The following ARMH3 variants were observed in gnomAD, a reference collection of about 807,000 sequenced individuals.
ARMH3 encodes the protein armadillo-like helical domain-containing protein 3.
In ARMH3, 60 loss-of-function variants were observed where a neutral mutation model predicts 99.1. The observed-to-expected ratio is 0.61, with a 90% CI of 0.49 to 0.75. The LOEUF (loss-of-function observed/expected upper bound fraction) is 0.75, where lower values mean the gene tolerates loss of function less well. ARMH3 is among the 30% of genes least tolerant of loss of function. The pLI, the probability that ARMH3 is intolerant of heterozygous loss-of-function variation, is 0.00. For synonymous variants in ARMH3, 285 were observed against 292.8 expected (o/e 0.97, Z 0.27); for missense variants, 679 against 843.1 (o/e 0.81, Z 2.41).
chr10:102,017,942 G>A (rs563004314), intron 8 of ARMH3, among the ~76,000 whole-genome samples: 5 of 152,068 alleles, frequency 3.3e-5, no homozygotes, highest in East Asian at 3.9e-4. Context: ...CTTTCAACCC[G>A]GCCAAATAAA....
chr10:101,935,257 G>T (rs1843914184), intron 23 of ARMH3, among the ~76,000 whole-genome samples: 1 of 148,038 alleles, frequency 6.8e-6, no homozygotes, highest in Middle Eastern at 3.7e-3. Flanking sequence ...AAACATACAG[G>T]GCCCTGTTTG....
chr10:101,903,014 T>C (rs768491468), intron 23 of ARMH3, among the ~76,000 whole-genome samples: 1 of 152,084 alleles, frequency 6.6e-6, no homozygotes, highest in Non-Finnish European at 1.5e-5. Flanking sequence ...CACAAAGAGG[T>C]TATTAGCTGC....
In ARMH3 at chr10:101,847,611, T is replaced by C. The variant is rs769380599; in HGVS notation, c.1987A>G (p.Ile663Val). 2.5e-6 allele frequency: 4 copies of C among 1,613,948 alleles called. No homozygotes were observed. The highest frequency in any genetic ancestry group is 3.4e-6 in the Non-Finnish European group (4 of 1,179,972). Reference sequence around the variant, plus strand: ...AGGTTTCTCCGGACGTTGGTGCTAATGGATCGAACCTGGGAAAGGGTAGTT... The same window carrying C: ...AGGTTTCTCCGGACGTTGGTGCTAACGGATCGAACCTGGGAAAGGGTAGTT... ...AAFFKELVRS[I>V]STNVRRNLAF... The change falls in exon 26 of 26, where the codon ATT (isoleucine) becomes GTT (valine). Residue 663 changes from isoleucine to valine, a missense_variant. Ile to Val is a conservative substitution (Grantham distance 29). Coordinates refer to ENST00000370033, the MANE Select transcript of ARMH3 (RefSeq NM_024541.3).
chr10:101,913,211 G>T, intron 23 of ARMH3: 1 of 152,570 alleles, frequency 6.6e-6, no homozygotes, highest in Non-Finnish European at 1.5e-5. Flanking sequence ...GAACTCCTGG[G>T]CTCAAGTGAT....
At chr10:101,918,786 C>T (rs1843190118) in intron 23 of ARMH3, among the ~76,000 whole-genome samples, 1 of 152,180 alleles carries the variant, frequency 6.6e-6, no homozygotes, top group Non-Finnish European at 1.5e-5. Context: ...TGTAATGTAT[C>T]CCTAACTCTA....
chr10:102,053,214 TAAAAAAAAAAAAA>T (rs1191838493), intron 1 of ARMH3, among the ~76,000 whole-genome samples: 8 of 49,008 alleles, frequency 1.6e-4, no homozygotes, highest in Admixed American at 4.8e-4. Flanking sequence ...CCTCAGAAGC[TAAAAAAAAAAAAA>T]AAAAAAAAAA....
chr10:102,015,053 A>G (rs571399309), intron 8 of ARMH3, among the ~76,000 whole-genome samples: 3 of 152,348 alleles, frequency 2.0e-5, no homozygotes, highest in African/African-American at 7.2e-5. Context: ...AACTGGGAAC[A>G]GAGAAAGAGA....
At chr10:101,877,198 G>A (rs1388088478) in intron 24 of ARMH3, among the ~76,000 whole-genome samples, 1 of 152,168 alleles carries the variant, frequency 6.6e-6, no homozygotes, top group East Asian at 1.9e-4. Context: ...AGCTGCTCGA[G>A]AGGCTGAGGC....
chr10:101,979,590 C>T (rs2135945181), intron 19 of ARMH3, among the ~76,000 whole-genome samples: 1 of 152,152 alleles, frequency 6.6e-6, no homozygotes, highest in South Asian at 2.1e-4. Context: ...GTAATAGTTG[C>T]ACAACTCTGT....
rs2067176839 is a variant in ARMH3, at chr10:102,033,298, C to T, written c.144G>A (p.Glu48=). ...PSKCSPRFWE[E]LFLMKVNLEY... ...CAACTCTTACCTTCATGAGAAAGAG[C>T]TCCTCCCAAAACCGAGGACTGCACT... is the stretch of plus-strand genomic sequence containing the variant. Residue 48 remains glutamate, a synonymous_variant, in exon 3 of 26, where the codon GAG becomes GAA. Coordinates refer to ENST00000370033, the MANE Select transcript of ARMH3 (RefSeq NM_024541.3). 6 of 1,614,162 alleles carry T rather than the reference C, an allele frequency of 3.7e-6. No individual in the cohort carries two copies. The East Asian group carries it at 1.1e-4, about 30-fold the overall frequency.
At chr10:102,008,092 C>T (rs998143975) in intron 13 of ARMH3, among the ~76,000 whole-genome samples, 1 of 152,176 alleles carries the variant, frequency 6.6e-6, no homozygotes, top group South Asian at 2.1e-4. Context: ...ACTTTACCTT[C>T]CTCACCTCTT....
chr10:101,976,408 TCTCTCACA>T (rs998213339), intron 19 of ARMH3, among the ~76,000 whole-genome samples: 27 of 128,928 alleles, frequency 2.1e-4, no homozygotes, highest in African/African-American at 4.9e-4. Flanking sequence ...TCTCTCTCTC[TCTCTCACA>T]CACACACACA....
intron 23 of ARMH3, among the ~76,000 whole-genome samples, chr10:101,928,478 C>G (rs1590037450): frequency 6.6e-6 from 1 of 152,134 alleles, no homozygotes; most frequent in African/African-American, 2.4e-5. Context: ...AATCGGCAGG[C>G]CCTACCTTAG....
At chr10:101,988,904 C>A (rs1276611141) in intron 19 of ARMH3, among the ~76,000 whole-genome samples, 3 of 99,598 alleles carry the variant, frequency 3.0e-5, no homozygotes, top group Middle Eastern at 0.014. Context: ...GCCTAGGCAA[C>A]AGAATAAGAC....
chr10:101,993,741 G>A (rs1846919323), intron 16 of ARMH3, 138 bp from the exon 17 acceptor site: 1 of 527,904 alleles, frequency 1.9e-6, no homozygotes, highest in East Asian at 3.3e-5. Context: ...TGAGCCTAGA[G>A]CCTTATGTCA....
intron 1 of ARMH3, among the ~76,000 whole-genome samples, chr10:102,049,896 G>A (rs922946614): frequency 2.0e-5 from 3 of 152,086 alleles, no homozygotes; most frequent in African/African-American, 7.2e-5. Context: ...TTTGCCCAAA[G>A]TAACACAACT....
intron 15 of ARMH3, among the ~76,000 whole-genome samples, chr10:101,999,557 A>G (rs977161798): frequency 1.3e-5 from 2 of 152,212 alleles, no homozygotes; most frequent in African/African-American, 4.8e-5. Flanking sequence ...AAATGCTAAT[A>G]AAAATGTTCA....
At chr10:102,029,033 C>T (rs973622175) in intron 5 of ARMH3, among the ~76,000 whole-genome samples, 4 of 152,134 alleles carry the variant, frequency 2.6e-5, no homozygotes, top group African/African-American at 7.2e-5. Context: ...TGCCACCATA[C>T]GCAGATAATT....
intron 15 of ARMH3, among the ~76,000 whole-genome samples, chr10:101,997,091 C>T (rs1847094500): frequency 6.6e-6 from 1 of 151,912 alleles, no homozygotes; most frequent in Non-Finnish European, 1.5e-5. Context: ...ATGGTGAAAC[C>T]CCTTCTCTAC....
Sources: gnomAD v4.1 joint callset for allele counts (sites outside exome capture counted in the v4.1 genomes callset) on GRCh38, gnomAD v4.1.1 for gene constraint, MANE v1.5 for transcripts, NCBI Gene and HGNC (gene_info 2026-07-23, HGNC 2026-07-21) for gene names.